PRDM10: variants seen among roughly 807,000 people sequenced by gnomAD.
PRDM10 encodes PR/SET domain 10.
A neutral mutation model predicts 133.1 loss-of-function variants in PRDM10; 65 were observed. That is an observed-to-expected ratio of 0.49 (90% CI 0.40 to 0.60). PRDM10 has a LOEUF of 0.60. Ranked by LOEUF, PRDM10 falls within the 20% of genes least tolerant of loss-of-function variation. The probability of loss-of-function intolerance (pLI) is 0.00; values close to 1 mark genes in which losing one functional copy is unlikely to be tolerated. For missense variants in PRDM10, 1,137 were observed against 1,507.1 expected (o/e 0.75, Z 4.07); for synonymous variants, 582 against 580.4 (o/e 1.00, Z -0.04).
chr11:129,917,873 G>A (rs1264762980), intron 14 of PRDM10, among the ~76,000 whole-genome samples: 1 of 152,236 alleles, frequency 6.6e-6, no homozygotes, highest in Admixed American at 6.5e-5. Flanking sequence ...GCTCACGCCT[G>A]TAATCCCAGC....
In PRDM10 at chr11:129,935,656, C is replaced by T. The variant is rs145001712; in HGVS notation, c.1040-438G>A. Reference sequence around the variant, plus strand: ...TTAGCAAAATGTTCAGAAGCATCCCCTAAGTTGAATATAGGCATATCCATG... The same window carrying T: ...TTAGCAAAATGTTCAGAAGCATCCCTTAAGTTGAATATAGGCATATCCATG... On this transcript the variant is annotated intron_variant, in intron 8 of 20. Transcript: ENST00000360871. 2.7e-3 allele frequency among the ~76,000 whole-genome samples: 416 copies of T among 152,322 alleles called. 2 individuals carry two copies. Among genetic ancestry groups the T allele is most frequent in the African/African-American group, 9.6e-3 (401 of 41,574 alleles).
intron 19 of PRDM10, among the ~76,000 whole-genome samples, chr11:129,905,947 A>G (rs957504888): frequency 1.3e-5 from 2 of 152,250 alleles, no homozygotes; most frequent in African/African-American, 4.8e-5. Context: ...AGAGACAATC[A>G]GTGCATTCCC....
Position 129,902,132 on chromosome 11 carries a change from G to T in PRDM10, c.*181C>A, listed in dbSNP as rs1949858191. The T allele has an allele frequency of 2.5e-6, 2 of 809,672 alleles. No homozygotes were observed. The highest frequency in any genetic ancestry group is 3.7e-6 in the Non-Finnish European group (2 of 543,726). 50.2% of individuals were successfully genotyped at this position (809,672 alleles called of 1,614,324 possible). ...GTGGCAAAAACCGAGGGTTTGAAGA[G>T]TCAATTTGATAAAGATGACCTTGGC... On this transcript the variant is annotated 3_prime_UTR_variant, in exon 21 of 21. Coordinates refer to ENST00000360871, the MANE Select transcript of PRDM10 (RefSeq NM_199437.2).
chr11:129,918,665 C>T lies in PRDM10; in HGVS notation c.2088G>A (p.Glu696=), dbSNP rs773521792. The T allele has an allele frequency of 1.2e-6, 2 of 1,614,050 alleles. No individual in the cohort carries two copies. The highest frequency in any genetic ancestry group is 4.5e-5 in the East Asian group (2 of 44,892). ...GGCTGATGCGGTCGGCTTTCTTGGC[C>T]TCCCTCTCAGGATTATGCATCCTCT... ...HMQRMHNPER[E]AKKADRISRS... The change falls in exon 14 of 21, where the codon GAG becomes GAA. Residue 696 remains glutamate (E), a synonymous_variant. Coordinates refer to ENST00000360871, the MANE Select transcript of PRDM10 (RefSeq NM_199437.2). The surrounding 1 kb of genome is among the most constrained non-coding windows in gnomAD (Gnocchi z 5.3).
intron 2 of PRDM10, 57 bp downstream of exon 2, chr11:129,960,839 C>G: frequency 6.3e-7 from 1 of 1,576,578 alleles, no homozygotes; most frequent in Non-Finnish European, 8.7e-7. Flanking sequence ...TTGCTGTCAG[C>G]AAACTGAGTC....
Position 129,934,784 on chromosome 11 carries a change from G to GA in PRDM10, c.1157+316dup, listed in dbSNP as rs553803367. ...GTAATTGTACTGCTGAAAAAAGTCT[G>GA]AAAATCAGAGATGCAGATTATTTTA... On this transcript the variant is annotated intron_variant, in intron 9 of 20. Transcript: ENST00000360871. 3.1e-4 allele frequency among the ~76,000 whole-genome samples: 47 copies of GA among 152,292 alleles called. No homozygotes were observed. In the East Asian group the frequency reaches 8.5e-3, roughly 27 times the overall value.
At chr11:129,944,415 T>C (rs537466423) in intron 6 of PRDM10, among the ~76,000 whole-genome samples, 8 of 151,342 alleles carry the variant, frequency 5.3e-5, no homozygotes, top group Non-Finnish European at 8.8e-5. Flanking sequence ...ACCCCGTCTC[T>C]ACTAAAAATA....
At chr11:129,917,956 C>A (rs1950408341) in intron 14 of PRDM10, among the ~76,000 whole-genome samples, 1 of 152,178 alleles carries the variant, frequency 6.6e-6, no homozygotes, top group Non-Finnish European at 1.5e-5. Context: ...AATGGTGAAA[C>A]CCCGTGTCTA....
rs1255053888 is a variant in PRDM10, at chr11:129,945,805, A to T, written c.521-793T>A. On this transcript the variant is annotated intron_variant, in intron 5 of 20. Coordinates refer to ENST00000360871, the MANE Select transcript of PRDM10 (RefSeq NM_199437.2). The surrounding 1 kb of genome is among the most constrained non-coding windows in gnomAD (Gnocchi z 4.2). ...TAACACACTTAACATGCTTTACCTTACTCCAGCTGCATGGTGACCTGGTTT... is the reference window on the plus strand; with the variant it reads ...TAACACACTTAACATGCTTTACCTTTCTCCAGCTGCATGGTGACCTGGTTT... Among the ~76,000 whole-genome samples, 1 of 152,028 alleles carries T rather than the reference A, an allele frequency of 6.6e-6. No homozygotes were observed. Among genetic ancestry groups the T allele is most frequent in the African/African-American group, 2.4e-5 (1 of 41,402 alleles).
intron 20 of PRDM10, 71 bp downstream of exon 20, chr11:129,905,567 A>C (rs1213897776): frequency 9.2e-7 from 1 of 1,086,926 alleles, no homozygotes; most frequent in Non-Finnish European, 1.4e-6. Context: ...TTACGAGATA[A>C]GTGGTGATAA....
intron 1 of PRDM10, among the ~76,000 whole-genome samples, chr11:129,986,841 T>C (rs1462706990): frequency 6.6e-6 from 1 of 152,180 alleles, no homozygotes; most frequent in Admixed American, 6.5e-5. Flanking sequence ...ATAGTTCCAA[T>C]TCCCTAAGGT....
intron 1 of PRDM10, among the ~76,000 whole-genome samples, chr11:129,987,202 G>T (rs1938477512): frequency 6.6e-6 from 1 of 152,094 alleles, no homozygotes; most frequent in Non-Finnish European, 1.5e-5. Context: ...GCAAAATATT[G>T]ATCTATATCC....
rs138780366 is a variant in PRDM10 at position 129,918,587 on chromosome 11, C to T, written c.2166G>A (p.Thr722=). 16 of 1,614,054 alleles carry T rather than the reference C, an allele frequency of 9.9e-6. No individual in the cohort carries two copies. Among genetic ancestry groups the T allele is most frequent in the African/African-American group, 8.0e-5 (6 of 74,920 alleles). Residue 722 remains threonine, a synonymous_variant, in exon 14 of 21, where the codon ACG becomes ACA. Coordinates refer to ENST00000360871, the MANE Select transcript of PRDM10 (RefSeq NM_199437.2). The surrounding 1 kb of genome is among the most constrained non-coding windows in gnomAD (Gnocchi z 5.3). ...CCATCATGCACAGGCGGCACTTGAA[C>T]GTGAAGCTGTCGTAGTCTGTGGACG... The part of the protein sequence containing the change: ...RITSTDYDSF[T]FKCRLCMMGF...
Position 129,935,128 on chromosome 11 carries a change from T to A in PRDM10, c.1130A>T (p.His377Leu). The change falls in exon 9 of 21, where the codon CAT (histidine) becomes CTT (leucine). Residue 377 changes from histidine to leucine, a missense_variant. His to Leu is a moderately conservative substitution (Grantham distance 99, BLOSUM62 -3). Transcript: ENST00000360871. ...GCTAAACACATCTAGTTTCTCATCA[T>A]GAGAATTGAGATGCTGTTGCAACTG... ...SEQLQQHLNS[H>L]DEKLDVFSRT... 6.2e-7 allele frequency: 1 copy of A among 1,613,782 alleles called. No homozygotes were observed. The highest frequency in any genetic ancestry group is 8.5e-7 in the Non-Finnish European group (1 of 1,179,640).
intron 2 of PRDM10, among the ~76,000 whole-genome samples, chr11:129,960,043 C>A (rs943639385): frequency 6.6e-6 from 1 of 151,554 alleles, no homozygotes; most frequent in Non-Finnish European, 1.5e-5. Flanking sequence ...ATGGCATGAA[C>A]CACCATATTT....
chr11:129,923,693 AGT>A lies in PRDM10; in HGVS notation c.1879-292_1879-291del, dbSNP rs201712606. Among the ~76,000 whole-genome samples the A allele has an allele frequency of 6.6e-3, 896 of 135,472 alleles. 23 individuals are homozygous for A. Among genetic ancestry groups the A allele is most frequent in the African/African-American group, 0.019 (691 of 35,478 alleles). The allele number at this position is 135,472 out of a possible 152,430, so 88.9% of individuals were successfully genotyped here. ...GAGAGAGAGAGAGAGAGAGAGAGAGAGTGCTTGCTTGGTCAAAGCCCTGATCA... is the reference window on the plus strand; with the variant it reads ...GAGAGAGAGAGAGAGAGAGAGAGAGAGCTTGCTTGGTCAAAGCCCTGATCA... On this transcript the variant is annotated intron_variant, in intron 12 of 20. Coordinates refer to ENST00000360871, the MANE Select transcript of PRDM10 (RefSeq NM_199437.2). The surrounding 1 kb of genome is among the most constrained non-coding windows in gnomAD (Gnocchi z 4.4).
chr11:129,902,409 G>A lies in PRDM10; in HGVS notation c.3375C>T (p.Asp1125=). ...VEPPAHSDSL[D]PQTNSQQQTT... ...TCTGCTGTTGGCTGTTGGTCTGGGG[G>A]TCCAGGGAGTCACTGTGTGCAGGTG... Residue 1125 remains aspartate, a synonymous_variant, in exon 21 of 21, where the codon GAC becomes GAT. Coordinates refer to ENST00000360871, the MANE Select transcript of PRDM10 (RefSeq NM_199437.2). 1.9e-6 allele frequency: 3 copies of A among 1,614,192 alleles called. No homozygotes were observed. Among genetic ancestry groups the A allele is most frequent in the Non-Finnish European group, 2.5e-6 (3 of 1,180,034 alleles).
At chr11:129,987,187 T>C (rs1298476528) in intron 1 of PRDM10, among the ~76,000 whole-genome samples, 3 of 152,176 alleles carry the variant, frequency 2.0e-5, no homozygotes, top group African/African-American at 4.8e-5. Flanking sequence ...TTGGCCTCAA[T>C]TTCAGCAAAA....
Position 129,957,731 on chromosome 11 carries a change from T to C in PRDM10, c.234+15A>G. The C allele has an allele frequency of 1.3e-6, 2 of 1,598,424 alleles. No homozygotes were observed. The highest frequency in any genetic ancestry group is 8.5e-7 in the Non-Finnish European group (1 of 1,172,530). On this transcript the variant is annotated intron_variant, in intron 3 of 20. Coordinates refer to ENST00000360871, the MANE Select transcript of PRDM10 (RefSeq NM_199437.2). Reference sequence around the variant, plus strand: ...AGTTAATTGACAAATTATCAACAGATAACCCTTCACATGCCTGTGCAGCTT... The same window carrying C: ...AGTTAATTGACAAATTATCAACAGACAACCCTTCACATGCCTGTGCAGCTT...
Sources: allele counts gnomAD v4.1 joint callset (sites outside exome capture counted in the v4.1 genomes callset), GRCh38; gene constraint gnomAD v4.1.1; non-coding constraint Gnocchi (gnomAD v3.1); transcripts MANE v1.5; gene names NCBI Gene and HGNC (gene_info 2026-07-23, HGNC 2026-07-21).